The following AUH variants were observed in gnomAD, a reference collection of about 807,000 sequenced individuals.
The protein encoded by AUH is AU RNA binding methylglutaconyl-CoA hydratase, also known as methylglutaconyl-CoA hydratase, mitochondrial.
In AUH, 29 loss-of-function variants were observed where a neutral mutation model predicts 42.3. The ratio of observed to expected loss-of-function variants is 0.69; its 90% CI spans 0.51 to 0.93. AUH has a LOEUF of 0.93. AUH is among the 40% of genes least tolerant of loss of function. The pLI is 0.00. For missense variants in AUH, 452 were observed against 438.1 expected, an observed-to-expected ratio of 1.03 and a Z score of -0.28; for synonymous variants, 174 against 166.4, an observed-to-expected ratio of 1.05 and a Z score of -0.35.
At chr9:91,293,021 C>T (rs1433582403) in intron 6 of AUH, among the ~76,000 whole-genome samples, 2 of 152,078 alleles carry the variant, frequency 1.3e-5, no homozygotes, top group Non-Finnish European at 2.9e-5. Flanking sequence ...GTTGTTACTA[C>T]TGTAATTATT....
chr9:91,326,849 A>C (rs1226810012), intron 3 of AUH, among the ~76,000 whole-genome samples: 2 of 152,226 alleles, frequency 1.3e-5, no homozygotes, highest in African/African-American at 4.8e-5. Flanking sequence ...ATATGTAACA[A>C]AGAAAAATGT....
At chr9:91,351,605 G>A (rs1302030534) in intron 3 of AUH, among the ~76,000 whole-genome samples, 1 of 152,220 alleles carries the variant, frequency 6.6e-6, no homozygotes, top group East Asian at 1.9e-4. Flanking sequence ...GTACTGGTCT[G>A]TGGCCTGTTA....
At chr9:91,250,466 A>G (rs1426956775) in intron 6 of AUH, among the ~76,000 whole-genome samples, 1 of 152,194 alleles carries the variant, frequency 6.6e-6, no homozygotes. Flanking sequence ...TGCCTTTTCC[A>G]CACACGGAGA....
chr9:91,303,776 AGT>A (rs1425266935), intron 4 of AUH, among the ~76,000 whole-genome samples: 5 of 152,372 alleles, frequency 3.3e-5, no homozygotes, highest in African/African-American at 1.2e-4. Flanking sequence ...ATAAAATCTA[AGT>A]TAACTGAAAA....
chr9:91,237,714 G>T (rs1355647424), intron 6 of AUH, among the ~76,000 whole-genome samples: 1 of 152,152 alleles, frequency 6.6e-6, no homozygotes, highest in African/African-American at 2.4e-5. Flanking sequence ...GATTGGCTGT[G>T]AAGTCCTTTT....
intron 6 of AUH, among the ~76,000 whole-genome samples, chr9:91,268,181 C>G (rs1371219011): frequency 1.3e-5 from 2 of 152,218 alleles, no homozygotes; most frequent in Admixed American, 1.3e-4. Flanking sequence ...CACGCAGAAA[C>G]AGTTTTCTTT....
At chr9:91,272,300 T>A (rs570430072) in intron 6 of AUH, among the ~76,000 whole-genome samples, 13 of 152,342 alleles carry the variant, frequency 8.5e-5, no homozygotes, top group African/African-American at 3.1e-4. Flanking sequence ...TAATTGCCTA[T>A]TTAATCCCAC....
At position 91,248,600 on chromosome 9, in the gene AUH, C is replaced by G. The variant is rs527389157; in HGVS notation, c.656-27608G>C. 8.9e-4 allele frequency among the ~76,000 whole-genome samples: 135 copies of G among 152,206 alleles called. 3 individuals carry two copies. In the South Asian group the frequency reaches 0.026, roughly 29 times the overall value. On this transcript the variant is annotated intron_variant, in intron 6 of 9. Coordinates refer to ENST00000375731, the MANE Select transcript of AUH (RefSeq NM_001698.3). ...GACACGGAAATTTAAATAACTAGTA[C>G]GTAAATCTTAAGCTTATAATACCAG...
intron 6 of AUH, among the ~76,000 whole-genome samples, chr9:91,278,344 A>C (rs1825708547): frequency 6.6e-6 from 1 of 152,254 alleles, no homozygotes; most frequent in Admixed American, 6.5e-5. Context: ...AATTTTACAT[A>C]CGTAGTAAAG....
intron 6 of AUH, among the ~76,000 whole-genome samples, chr9:91,242,570 G>A (rs780197354): frequency 5.9e-5 from 9 of 152,192 alleles, no homozygotes; most frequent in Non-Finnish European, 8.8e-5. Context: ...CACCGTACTT[G>A]CCAACCACAG....
chr9:91,264,995 C>A (rs1047265600), intron 6 of AUH, among the ~76,000 whole-genome samples: 2 of 152,322 alleles, frequency 1.3e-5, no homozygotes, highest in African/African-American at 4.8e-5. Context: ...CTTCTTCACA[C>A]ACAGGCAACT....
chr9:91,361,907 T>A lies in AUH; in HGVS notation c.-18A>T. The A allele has an allele frequency of 2.1e-6, 3 of 1,409,864 alleles. No homozygotes were observed. The highest frequency in any genetic ancestry group is 2.8e-6 in the Non-Finnish European group (3 of 1,085,036). The allele number at this position is 1,409,864 out of a possible 1,614,324, so 87.3% of individuals were successfully genotyped here. Reference sequence around the variant, plus strand: ...GCCGCCATGTTGTCTGTTTACGGCGTGGACCTGCGACGGCCGCTCCGCCCC... The same window carrying A: ...GCCGCCATGTTGTCTGTTTACGGCGAGGACCTGCGACGGCCGCTCCGCCCC... On this transcript the variant is annotated 5_prime_UTR_variant, in exon 1 of 10. Transcript: ENST00000375731.
At chr9:91,301,903 T>C (rs1273036053) in intron 4 of AUH, among the ~76,000 whole-genome samples, 1 of 152,216 alleles carries the variant, frequency 6.6e-6, no homozygotes, top group Non-Finnish European at 1.5e-5. Context: ...TTAATTAACA[T>C]AAATTAGCCT....
chr9:91,224,059 C>T (rs1827289841), intron 6 of AUH, among the ~76,000 whole-genome samples: 1 of 152,182 alleles, frequency 6.6e-6, no homozygotes, highest in African/African-American at 2.4e-5. Context: ...GAATTTGAGG[C>T]TGAGCTCCCA....
At chr9:91,321,376 T>A (rs962382999) in intron 4 of AUH, among the ~76,000 whole-genome samples, 2 of 152,212 alleles carry the variant, frequency 1.3e-5, no homozygotes, top group Non-Finnish European at 2.9e-5. Flanking sequence ...AACTTATCTT[T>A]GGTTTTTGTT....
intron 6 of AUH, among the ~76,000 whole-genome samples, chr9:91,263,093 C>T (rs1030237091): frequency 6.6e-6 from 1 of 152,220 alleles, no homozygotes; most frequent in African/African-American, 2.4e-5. Flanking sequence ...AGAAGCAGAA[C>T]AGTGCCAAGA....
At chr9:91,292,170 G>GA (rs1732272734) in intron 6 of AUH, among the ~76,000 whole-genome samples, 1 of 151,134 alleles carries the variant, frequency 6.6e-6, no homozygotes. Context: ...AGGAATAGAA[G>GA]AAACAACACC....
chr9:91,350,845 C>A (rs1324727825), intron 3 of AUH, among the ~76,000 whole-genome samples: 1 of 151,714 alleles, frequency 6.6e-6, no homozygotes, highest in Non-Finnish European at 1.5e-5. Context: ...AAGAAAAATA[C>A]ACTAATATAC....
At position 91,291,603 on chromosome 9, in the gene AUH, A is replaced by C. The variant is rs530177484; in HGVS notation, c.655+4418T>G. ...TATATTAAATGTTTTGGCCTACAAG[A>C]ATAACATTTTCATCAATTACCAAAG... On this transcript the variant is annotated intron_variant, in intron 6 of 9. Coordinates refer to ENST00000375731, the MANE Select transcript of AUH (RefSeq NM_001698.3). Among the ~76,000 whole-genome samples the C allele has an allele frequency of 2.0e-5, 3 of 152,338 alleles. No homozygotes were observed. In the East Asian group the frequency reaches 5.8e-4, roughly 29 times the overall value.
Sources: allele counts gnomAD v4.1 joint callset (sites outside exome capture counted in the v4.1 genomes callset), GRCh38; gene constraint gnomAD v4.1.1; transcripts MANE v1.5; gene names NCBI Gene and HGNC (gene_info 2026-07-23, HGNC 2026-07-21).